SERPINB12: variants seen among roughly 807,000 people sequenced by gnomAD.
The protein encoded by SERPINB12 is serpin family B member 12.
SERPINB12 carries 57 observed loss-of-function variants against 41.1 expected under a neutral mutation model. The observed-to-expected ratio is 1.39, with a 90% CI of 1.12 to 1.73. The LOEUF (loss-of-function observed/expected upper bound fraction) is 1.73, where lower values mean the gene tolerates loss of function less well. SERPINB12 is among the 40% of genes most tolerant of loss of function. SERPINB12 has a pLI of 0.00. For synonymous variants in SERPINB12, 180 were observed against 181.3 expected (o/e 0.99, Z 0.06); for missense variants, 536 against 501.9 (o/e 1.07, Z -0.65).
In SERPINB12 at chr18:63,567,913, ACG is replaced by A. The variant is rs879864258; in HGVS notation, c.*903_*904del. On this transcript the variant is annotated 3_prime_UTR_variant, in exon 8 of 8. Transcript: ENST00000382768. ...ATGCCCCTCTCTCTGCCTTCTGGCCACGTGGAGGCTGGCCTCTGTGTGCCCCT... is the reference window on the plus strand; with the variant it reads ...ATGCCCCTCTCTCTGCCTTCTGGCCATGGAGGCTGGCCTCTGTGTGCCCCT... Among the ~76,000 whole-genome samples the A allele has an allele frequency of 0.028, 4,269 of 151,820 alleles. 280 individuals carry two copies. In the East Asian group the frequency reaches 0.29, roughly 10 times the overall value.
intron 7 of SERPINB12, among the ~76,000 whole-genome samples, chr18:63,565,899 T>C (rs1473903219): frequency 1.3e-5 from 2 of 152,216 alleles, no homozygotes; most frequent in Non-Finnish European, 2.9e-5. Flanking sequence ...GAAAAGTTTT[T>C]AAGTTTTCCC....
chr18:63,560,385 C>T (rs1431792053), intron 4 of SERPINB12, among the ~76,000 whole-genome samples: 2 of 152,142 alleles, frequency 1.3e-5, no homozygotes, highest in Non-Finnish European at 2.9e-5. Context: ...CAGGACTAGC[C>T]AGGGGTTGGG....
the SERPINB12 span, among the ~76,000 whole-genome samples, chr18:63,524,754 CT>C: frequency 0.03 from 4,135 of 138,414 alleles, 191 homozygotes; most frequent in African/African-American, 0.1. Flanking sequence ...TTTCCCTTTC[CT>C]TTTTTTTTTT....
intron 5 of SERPINB12, among the ~76,000 whole-genome samples, chr18:63,563,505 A>AC (rs1910982711): frequency 6.6e-6 from 1 of 151,866 alleles, no homozygotes; most frequent in Non-Finnish European, 1.5e-5. Flanking sequence ...CTGCCCCATC[A>AC]CCCCCTCGCT....
chr18:63,543,145 T>C (rs755254252), intron 1 of SERPINB12, among the ~76,000 whole-genome samples: 6 of 152,192 alleles, frequency 3.9e-5, no homozygotes, highest in Non-Finnish European at 7.3e-5. Flanking sequence ...TCCTGACTTA[T>C]TAGGAATGAA....
At chr18:63,530,802 A>G in the SERPINB12 span, among the ~76,000 whole-genome samples, 2 of 152,190 alleles carry the variant, frequency 1.3e-5, no homozygotes, top group Admixed American at 6.5e-5. Context: ...TTACAACCGT[A>G]TCTTTAAAAG....
chr18:63,555,481 G>A (rs1353366249), intron 1 of SERPINB12, among the ~76,000 whole-genome samples: 1 of 152,210 alleles, frequency 6.6e-6, no homozygotes, highest in African/African-American at 2.4e-5. Flanking sequence ...CCACCACAAA[G>A]TGGGTAGGAT....
rs1290572394 is a variant in SERPINB12, at chr18:63,568,726, G to A, written c.*1715G>A. 2.0e-5 allele frequency among the ~76,000 whole-genome samples: 3 copies of A among 152,034 alleles called. No homozygotes were observed. The highest frequency in any genetic ancestry group is 1.9e-4 in the East Asian group (1 of 5,188). The stretch of plus-strand genomic sequence containing the variant: ...GCCACCAGTCGTTCAGTGTGGCCAC[G>A]CAGTTTTTTTGCAGAAGGCAGGTGA... On this transcript the variant is annotated 3_prime_UTR_variant, in exon 8 of 8. Transcript: ENST00000382768.
chr18:63,536,738 C>A, the SERPINB12 span, among the ~76,000 whole-genome samples: 4 of 152,098 alleles, frequency 2.6e-5, no homozygotes, highest in African/African-American at 9.7e-5. Context: ...CTAGGTACTA[C>A]ATGGTGTATT....
the SERPINB12 span, among the ~76,000 whole-genome samples, chr18:63,529,816 G>A: frequency 2.9e-3 from 441 of 152,164 alleles, 3 homozygotes; most frequent in Non-Finnish European, 5.0e-3. Context: ...TTTGTTTATT[G>A]ATTGGGGCAC....
chr18:63,543,770 C>T (rs192450393), intron 1 of SERPINB12, among the ~76,000 whole-genome samples: 33 of 151,950 alleles, frequency 2.2e-4, no homozygotes, highest in East Asian at 9.7e-4. Flanking sequence ...GCGTGCGCCA[C>T]GACACCAGGC....
At position 63,559,559 on chromosome 18, in the gene SERPINB12, T is replaced by C; in HGVS notation, c.304-19T>C. The C allele has an allele frequency of 1.9e-6, 3 of 1,613,468 alleles. No individual in the cohort carries two copies. The highest frequency in any genetic ancestry group is 2.5e-6 in the Non-Finnish European group (3 of 1,179,630). ...TGATAGACACAGTGAAGGTCACATTTTGTTTCTTCTTTCCTTAGGCTGGGT... is the reference window on the plus strand; with the variant it reads ...TGATAGACACAGTGAAGGTCACATTCTGTTTCTTCTTTCCTTAGGCTGGGT... On this transcript the variant is annotated intron_variant, in intron 3 of 7. Coordinates refer to ENST00000382768, the MANE Select transcript of SERPINB12 (RefSeq NM_001307928.2).
Position 63,566,747 on chromosome 18 carries a change from C to T in SERPINB12, c.1014C>T (p.Gly338=). The change falls in exon 8 of 8, where the codon GGC becomes GGT. Residue 338 remains glycine, a synonymous_variant. Transcript: ENST00000382768. The stretch of plus-strand genomic sequence containing the variant: ...TCAATTCCATTTTACAAGACATGGG[C>T]ATTACGGATATCTTTGATGAAACGA... ...YDLNSILQDM[G]ITDIFDETRA... is the part of the protein sequence containing the mutation. 6.2e-7 allele frequency: 1 copy of T among 1,614,108 alleles called. No individual in the cohort carries two copies. The highest frequency in any genetic ancestry group is 1.3e-5 in the African/African-American group (1 of 75,018).
the SERPINB12 span, among the ~76,000 whole-genome samples, chr18:63,536,973 C>T: frequency 6.6e-6 from 1 of 151,682 alleles, no homozygotes; most frequent in Admixed American, 6.6e-5. Context: ...ACATCGTAGA[C>T]CAAAATAAAT....
At chr18:63,544,299 C>T (rs1031574367) in intron 1 of SERPINB12, among the ~76,000 whole-genome samples, 5 of 152,138 alleles carry the variant, frequency 3.3e-5, no homozygotes, top group Non-Finnish European at 7.3e-5. Context: ...ATGAAGTCCT[C>T]ATTTACAGTT....
chr18:63,527,313 A>G, the SERPINB12 span, among the ~76,000 whole-genome samples: 1 of 152,188 alleles, frequency 6.6e-6, no homozygotes, highest in Non-Finnish European at 1.5e-5. Context: ...AGCTCAAGAT[A>G]TTGACCTGTT....
At chr18:63,541,404 G>A (rs150312484), upstream of SERPINB12, among the ~76,000 whole-genome samples, 1 of 152,224 alleles carries the variant, frequency 6.6e-6, no homozygotes, top group East Asian at 1.9e-4. Flanking sequence ...TAGATTTTGA[G>A]TGTACTGTCC....
At chr18:63,527,827 T>A in the SERPINB12 span, among the ~76,000 whole-genome samples, 9 of 152,180 alleles carry the variant, frequency 5.9e-5, no homozygotes, top group African/African-American at 2.2e-4. Flanking sequence ...ATTGATATGG[T>A]TTGGCTGTGT....
In SERPINB12 at chr18:63,561,190, T is replaced by C. The variant is rs1392896374; in HGVS notation, c.550T>C (p.Cys184Arg). The change falls in exon 5 of 8, where the codon TGT (cysteine) becomes CGT (arginine). Residue 184 changes from cysteine (C) to arginine (R), a missense_variant. Physicochemically the swap from Cys to Arg is radical, Grantham distance 180. Transcript: ENST00000382768. ...ACAAGAGATTAACTTCTGGGTTGAA[T>C]GTCAATCCCAAGGTAAGAAAGCCCA... ...SRQEINFWVE[C>R]QSQGKIKELF... is the part of the protein sequence containing the mutation. The C allele has an allele frequency of 6.2e-7, 1 of 1,603,198 alleles. No individual in the cohort carries two copies. The highest frequency in any genetic ancestry group is 2.2e-5 in the East Asian group (1 of 44,838).
Sources: allele counts gnomAD v4.1 joint callset (sites outside exome capture counted in the v4.1 genomes callset), GRCh38; gene constraint gnomAD v4.1.1; transcripts MANE v1.5; gene names NCBI Gene and HGNC (gene_info 2026-07-23, HGNC 2026-07-21).